IQCK: variants seen among roughly 807,000 people sequenced by gnomAD.
The protein encoded by IQCK is IQ motif containing K, also known as IQ domain-containing protein K.
IQCK carries 29 observed loss-of-function variants against 28.1 expected under a neutral mutation model. The observed-to-expected ratio is 1.03, with a 90% CI of 0.77 to 1.41. The LOEUF (loss-of-function observed/expected upper bound fraction) is 1.41. Ranked by LOEUF, IQCK falls within the 40% of genes most tolerant of loss-of-function variation. The pLI, the probability that IQCK is intolerant of heterozygous loss-of-function variation, is 0.00. For missense variants in IQCK, 359 were observed against 314.7 expected (o/e 1.14, Z -1.07); for synonymous variants, 113 against 115.1 (o/e 0.98, Z 0.12).
At chr16:19,723,165 C>A (rs755740986) in intron 1 of IQCK, among the ~76,000 whole-genome samples, 3 of 151,352 alleles carry the variant, frequency 2.0e-5, no homozygotes. Flanking sequence ...CTTACCACCC[C>A]CTGCTTAGAT....
exon 10 of IQCK, chr16:19,856,633 ATTTC>A (rs1424980932): frequency 1.8e-6 from 2 of 1,102,294 alleles, no homozygotes; most frequent in Non-Finnish European, 2.8e-6. Flanking sequence ...CTCTCTTGTG[ATTTC>A]TTTAACAAGA....
At chr16:19,855,457 G>C (rs1458489789) in intron 9 of IQCK, among the ~76,000 whole-genome samples, 1 of 152,106 alleles carries the variant, frequency 6.6e-6, no homozygotes, top group Non-Finnish European at 1.5e-5. Flanking sequence ...AGGGCGTGGT[G>C]GTGCACGCCT....
chr16:19,740,910 G>A (rs2085887529), intron 4 of IQCK, among the ~76,000 whole-genome samples: 1 of 151,450 alleles, frequency 6.6e-6, no homozygotes, highest in South Asian at 2.1e-4. Context: ...AGAGGTTGCA[G>A]TGAGCCAAGA....
chr16:19,804,107 T>G (rs1450986303), intron 7 of IQCK, among the ~76,000 whole-genome samples: 1 of 152,064 alleles, frequency 6.6e-6, no homozygotes, highest in Non-Finnish European at 1.5e-5. Flanking sequence ...TCCCAGCACT[T>G]TGGGAAGCCG....
intron 9 of IQCK, among the ~76,000 whole-genome samples, chr16:19,846,189 A>G (rs1029318958): frequency 1.3e-5 from 2 of 152,196 alleles, no homozygotes; most frequent in East Asian, 3.8e-4. Context: ...CCTTTTATGG[A>G]TGAGAGAGCT....
chr16:19,760,127 A>G (rs1411291196), intron 4 of IQCK, among the ~76,000 whole-genome samples: 3 of 152,200 alleles, frequency 2.0e-5, no homozygotes, highest in Non-Finnish European at 4.4e-5. Flanking sequence ...CTGTCTCTAA[A>G]ATTTTAAAAA....
At chr16:19,793,643 G>GGT (rs2055650582) in intron 7 of IQCK, among the ~76,000 whole-genome samples, 6 of 61,800 alleles carry the variant, frequency 9.7e-5, no homozygotes, top group Admixed American at 5.5e-4. Flanking sequence ...TCTCAGTTGG[G>GGT]TTTTTTTTTT....
At chr16:19,726,710 A>G (rs1439183706) in intron 1 of IQCK, among the ~76,000 whole-genome samples, 1 of 152,224 alleles carries the variant, frequency 6.6e-6, no homozygotes, top group Non-Finnish European at 1.5e-5. Flanking sequence ...AAGCCGTTAA[A>G]AGTAACTTAC....
At chr16:19,826,953 T>C in intron 7 of IQCK, 73 bp from the exon 8 acceptor site, 1 of 945,440 alleles carries the variant, frequency 1.1e-6, no homozygotes, top group Non-Finnish European at 1.7e-6. Flanking sequence ...TAAAGGATTT[T>C]CCATGCAGGG....
At chr16:19,832,053 T>C (rs2056238784), downstream of IQCK, among the ~76,000 whole-genome samples, 1 of 152,130 alleles carries the variant, frequency 6.6e-6, no homozygotes, top group Non-Finnish European at 1.5e-5. Flanking sequence ...TTTTGAGATG[T>C]AGTAAAAAAT....
At chr16:19,749,362 A>G (rs1390218432) in intron 4 of IQCK, among the ~76,000 whole-genome samples, 1 of 152,234 alleles carries the variant, frequency 6.6e-6, no homozygotes, top group Non-Finnish European at 1.5e-5. Flanking sequence ...TCACTGGAAC[A>G]CAGCTATGCC....
At chr16:19,833,264 A>T (rs1196430762) in intron 9 of IQCK, among the ~76,000 whole-genome samples, 1 of 152,214 alleles carries the variant, frequency 6.6e-6, no homozygotes, top group Admixed American at 6.5e-5. Context: ...TTCTTAGGAA[A>T]ACCTGCCAAA....
intron 7 of IQCK, among the ~76,000 whole-genome samples, chr16:19,806,491 G>A (rs2055835447): frequency 6.6e-6 from 1 of 151,740 alleles, no homozygotes. Context: ...TTTGAGACTA[G>A]CCTGGGCAAC....
intron 1 of IQCK, 54 bp downstream of exon 1, chr16:19,718,541 C>T: frequency 6.8e-7 from 1 of 1,472,632 alleles, no homozygotes; most frequent in Non-Finnish European, 9.0e-7. Flanking sequence ...CGGACGGGGG[C>T]CGCGTTTGGG....
Position 19,766,745 on chromosome 16 carries a change from C to T in IQCK, c.605+2633C>T, listed in dbSNP as rs566498475. ...ATATCTCCAGACACTAGCGTATGTC[C>T]CCAAGGGGAATGAGGCAAAACTGCC... On this transcript the variant is annotated intron_variant, in intron 6 of 7. Coordinates refer to ENST00000564186, the Ensembl canonical transcript of IQCK. Among the ~76,000 whole-genome samples the T allele has an allele frequency of 2.2e-4, 33 of 152,298 alleles. No individual in the cohort carries two copies. The South Asian group carries it at 5.6e-3, about 26-fold the overall frequency.
chr16:19,855,262 T>C (rs1321522606), intron 9 of IQCK, among the ~76,000 whole-genome samples: 3 of 152,106 alleles, frequency 2.0e-5, no homozygotes, highest in African/African-American at 4.8e-5. Flanking sequence ...AGGGCTGGTC[T>C]GTGTTGCTGA....
intron 7 of IQCK, among the ~76,000 whole-genome samples, chr16:19,821,472 G>A (rs983211631): frequency 6.6e-6 from 1 of 152,170 alleles, no homozygotes; most frequent in African/African-American, 2.4e-5. Context: ...GACCGAGGCG[G>A]GTGGATCACC....
chr16:19,803,812 A>T (rs999420703), intron 7 of IQCK, among the ~76,000 whole-genome samples: 1 of 152,022 alleles, frequency 6.6e-6, no homozygotes, highest in East Asian at 1.9e-4. Flanking sequence ...ACCACCACAA[A>T]CAGCTAATTT....
In IQCK at chr16:19,803,118, T is replaced by TTTTTG. The variant is rs1165554460; in HGVS notation, c.690+14215_690+14219dup. 1.6e-4 allele frequency among the ~76,000 whole-genome samples: 25 copies of TTTTTG among 152,112 alleles called. No individual in the cohort carries two copies. In the South Asian group the frequency reaches 1.7e-3, roughly 10 times the overall value. On this transcript the variant is annotated intron_variant, in intron 7 of 7. Coordinates refer to ENST00000564186, the Ensembl canonical transcript of IQCK. ...AGAGATAGGTTTGCTATTGTTGGCTTTTTTGTTTTGTTTTGTTTTGTTTGT... is the reference window on the plus strand; with the variant it reads ...AGAGATAGGTTTGCTATTGTTGGCTTTTTTGTTTTGTTTTGTTTTGTTTTGTTTGT...
Sources: gnomAD v4.1 joint callset for allele counts (sites outside exome capture counted in the v4.1 genomes callset) on GRCh38, gnomAD v4.1.1 for gene constraint, MANE v1.5 for transcripts, NCBI Gene and HGNC (gene_info 2026-07-23, HGNC 2026-07-21) for gene names.